The following DCDC1 variants were observed in gnomAD, a reference collection of about 807,000 sequenced individuals.
The protein encoded by DCDC1 is doublecortin domain-containing protein 1.
A neutral mutation model predicts 178.3 loss-of-function variants in DCDC1; 200 were observed. The ratio of observed to expected loss-of-function variants is 1.12; its 90% CI spans 1.00 to 1.26. The LOEUF is 1.26. Among genes scored for constraint, DCDC1 ranks in the 50% most tolerant of loss-of-function variants. The pLI is 0.00. For synonymous variants in DCDC1, 690 were observed against 604.8 expected (o/e 1.14, Z -2.07); for missense variants, 1,983 against 1,749.2 (o/e 1.13, Z -2.38).
At chr11:31,247,679 C>A (rs926368754) in intron 8 of DCDC1, among the ~76,000 whole-genome samples, 1 of 152,022 alleles carries the variant, frequency 6.6e-6, no homozygotes, top group Non-Finnish European at 1.5e-5. Context: ...CTTCCACCAC[C>A]ATGCACATCT....
At chr11:30,925,135 C>T (rs1946512769) in intron 23 of DCDC1, among the ~76,000 whole-genome samples, 174 bp downstream of exon 23, 1 of 151,602 alleles carries the variant, frequency 6.6e-6, no homozygotes, top group South Asian at 2.1e-4. Context: ...ATATAGGAAG[C>T]TCTGAATAAT....
chr11:31,159,836 G>C (rs1421568267), intron 9 of DCDC1, among the ~76,000 whole-genome samples: 1 of 152,180 alleles, frequency 6.6e-6, no homozygotes, highest in Non-Finnish European at 1.5e-5. Flanking sequence ...TGTGTAAGAA[G>C]TCTGTGTCCT....
chr11:30,947,469 C>A (rs185826943), intron 21 of DCDC1, among the ~76,000 whole-genome samples: 1 of 152,188 alleles, frequency 6.6e-6, no homozygotes, highest in East Asian at 1.9e-4. Context: ...GAAAAGGACA[C>A]CTTCTTCAAT....
chr11:31,331,278 T>G (rs1949971070), intron 2 of DCDC1, among the ~76,000 whole-genome samples: 1 of 152,242 alleles, frequency 6.6e-6, no homozygotes, highest in South Asian at 2.1e-4. Flanking sequence ...AAGGAGATTT[T>G]GGGCTGAGAT....
chr11:31,089,517 A>C (rs912603657), intron 17 of DCDC1, among the ~76,000 whole-genome samples: 1 of 151,868 alleles, frequency 6.6e-6, no homozygotes, highest in Admixed American at 6.6e-5. Flanking sequence ...ATTTCCTCCA[A>C]TATTTTTCTT....
chr11:30,999,345 A>G (rs561219465), intron 20 of DCDC1, among the ~76,000 whole-genome samples: 19 of 152,338 alleles, frequency 1.2e-4, no homozygotes, highest in African/African-American at 4.6e-4. Context: ...TGTTAGCTTT[A>G]GAGGAAATTG....
chr11:31,225,733 A>G (rs1974865190), intron 9 of DCDC1, among the ~76,000 whole-genome samples: 1 of 151,004 alleles, frequency 6.6e-6, no homozygotes, highest in South Asian at 2.1e-4. Flanking sequence ...ATATCTACCT[A>G]GATACATATA....
chr11:31,129,512 C>T (rs563724874), intron 10 of DCDC1, among the ~76,000 whole-genome samples: 1 of 152,066 alleles, frequency 6.6e-6, no homozygotes, highest in South Asian at 2.1e-4. Flanking sequence ...AAAGCAGACA[C>T]AGACGATATG....
At chr11:31,005,246 C>T (rs1319059813) in intron 20 of DCDC1, among the ~76,000 whole-genome samples, 3 of 152,192 alleles carry the variant, frequency 2.0e-5, no homozygotes, top group Non-Finnish European at 2.9e-5. Context: ...GTAACTGTAT[C>T]GCATTGTTAG....
intron 1 of DCDC1, among the ~76,000 whole-genome samples, chr11:31,346,754 A>G (rs185335970): frequency 1.2e-4 from 19 of 152,318 alleles, no homozygotes; most frequent in African/African-American, 4.1e-4. Context: ...AAATACTTCA[A>G]TAGAAAAGAG....
At chr11:31,156,354 A>G (rs768395848) in intron 9 of DCDC1, among the ~76,000 whole-genome samples, 32 of 152,190 alleles carry the variant, frequency 2.1e-4, no homozygotes, top group Non-Finnish European at 4.4e-4. Context: ...CTTTCTGATC[A>G]TATCAAAACA....
intron 9 of DCDC1, among the ~76,000 whole-genome samples, chr11:31,177,977 C>CA (rs947148196): frequency 2.6e-5 from 4 of 151,448 alleles, no homozygotes; most frequent in Admixed American, 6.6e-5. Flanking sequence ...ATCATCTAGA[C>CA]AAAAAAAATC....
intron 29 of DCDC1, among the ~76,000 whole-genome samples, chr11:30,907,737 A>T (rs1945164852): frequency 6.6e-6 from 1 of 152,170 alleles, no homozygotes; most frequent in African/African-American, 2.4e-5. Context: ...CCACCAGATG[A>T]CTGTAGCCAC....
At chr11:31,054,103 C>T (rs1955433625) in intron 20 of DCDC1, among the ~76,000 whole-genome samples, 1 of 152,018 alleles carries the variant, frequency 6.6e-6, no homozygotes, top group South Asian at 2.1e-4. Flanking sequence ...TCTCCTAAGA[C>T]TAATAAAAGA....
At chr11:31,166,834 T>C (rs905957776) in intron 9 of DCDC1, among the ~76,000 whole-genome samples, 1 of 152,156 alleles carries the variant, frequency 6.6e-6, no homozygotes, top group Non-Finnish European at 1.5e-5. Flanking sequence ...GAAAGCTCTT[T>C]ATGCCCCACC....
intron 20 of DCDC1, among the ~76,000 whole-genome samples, chr11:30,955,983 C>T (rs768742927): frequency 8.5e-5 from 13 of 152,106 alleles, no homozygotes; most frequent in East Asian, 1.9e-4. Context: ...GGGAGCAGTA[C>T]GGATATACTA....
chr11:31,315,317 T>A (rs1217226790), intron 3 of DCDC1, among the ~76,000 whole-genome samples: 1 of 120,252 alleles, frequency 8.3e-6, no homozygotes, highest in South Asian at 3.2e-4. Context: ...TTTTTTTTTT[T>A]TTTTTTTTTT....
chr11:31,347,698 G>C (rs1012646372), intron 1 of DCDC1, among the ~76,000 whole-genome samples: 1 of 152,084 alleles, frequency 6.6e-6, no homozygotes, highest in African/African-American at 2.4e-5. Context: ...ATAATAATGT[G>C]TTGTAAGAAC....
chr11:30,985,943 C>CCAT (rs1181149943), intron 20 of DCDC1, among the ~76,000 whole-genome samples: 1 of 152,000 alleles, frequency 6.6e-6, no homozygotes, highest in Non-Finnish European at 1.5e-5. Flanking sequence ...CAAAAAAGTG[C>CCAT]CATTTTTTTG....
Sources: allele counts gnomAD v4.1 joint callset (sites outside exome capture counted in the v4.1 genomes callset), GRCh38; gene constraint gnomAD v4.1.1; transcripts MANE v1.5; gene names NCBI Gene and HGNC (gene_info 2026-07-23, HGNC 2026-07-21).